The following FOXO3 variants were observed in gnomAD, a reference collection of about 807,000 sequenced individuals.
FOXO3 encodes forkhead box O3.
Under a neutral mutation model 41.9 loss-of-function variants are expected in FOXO3, and 4 were observed. The observed-to-expected ratio is 0.10, with a 90% confidence interval of 0.05 to 0.22. The LOEUF is 0.22. Among genes scored for constraint, FOXO3 ranks in the 10% least tolerant of loss-of-function variants. The probability of loss-of-function intolerance (pLI) is 1.00; values close to 1 mark genes in which losing one functional copy is unlikely to be tolerated. For synonymous variants in FOXO3, 318 were observed against 389.3 expected, an observed-to-expected ratio of 0.82 and a Z score of 2.16; for missense variants, 534 against 906.8, an observed-to-expected ratio of 0.59 and a Z score of 5.28.
chr6:108,604,029 G>GC (rs1777124275), intron 1 of FOXO3, among the ~76,000 whole-genome samples: 1 of 152,108 alleles, frequency 6.6e-6, no homozygotes, highest in Admixed American at 6.5e-5. Context: ...ATATGGTATT[G>GC]AGGATGATCA....
intron 1 of FOXO3, chr6:108,639,507 G>A (rs1301773677): frequency 1.0e-6 from 1 of 982,574 alleles, no homozygotes; most frequent in Admixed American, 6.2e-5. Context: ...CATTCCCTGG[G>A]ATGAAAAACC....
chr6:108,646,417 A>G (rs1199717155), intron 1 of FOXO3, among the ~76,000 whole-genome samples: 1 of 152,196 alleles, frequency 6.6e-6, no homozygotes, highest in East Asian at 1.9e-4. Context: ...ATAGTGATAA[A>G]CAGTCCTTCA....
chr6:108,618,652 T>G (rs1230361630), intron 1 of FOXO3, among the ~76,000 whole-genome samples: 1 of 152,220 alleles, frequency 6.6e-6, no homozygotes, highest in African/African-American at 2.4e-5. Flanking sequence ...ATTATTTTTG[T>G]TTTTGTTGCT....
At position 108,664,767 on chromosome 6, in the gene FOXO3, T is replaced by G. The variant is rs778174569; in HGVS notation, c.1934T>G (p.Leu645Arg). 2.1e-6 allele frequency: 3 copies of G among 1,445,944 alleles called. No homozygotes were observed. Among genetic ancestry groups the G allele is most frequent in the Non-Finnish European group, 1.9e-6 (2 of 1,046,334 alleles). 89.6% of individuals were successfully genotyped at this position (1,445,944 alleles called of 1,614,324 possible). The change falls in exon 2 of 3, where the codon CTC (leucine) becomes CGC (arginine). Residue 645 changes from leucine (L) to arginine (R), a missense_variant. Transcript: ENST00000406360. The stretch of plus-strand genomic sequence containing the variant: ...GGGTTGGATTTTAACTTTGATTCCC[T>G]CATCTCCACACAGAATGTTGTTGGT... ...ADGLDFNFDS[L>R]ISTQNVVGLN... is the part of the protein sequence containing the mutation.
intron 1 of FOXO3, among the ~76,000 whole-genome samples, chr6:108,642,431 G>T (rs534590696): frequency 6.6e-6 from 1 of 152,048 alleles, no homozygotes; most frequent in Non-Finnish European, 1.5e-5. Context: ...TTTTGGCAAG[G>T]GGGACTGCTG....
intron 1 of FOXO3, among the ~76,000 whole-genome samples, chr6:108,612,816 C>A (rs1225247003): frequency 1.3e-5 from 2 of 152,108 alleles, no homozygotes; most frequent in African/African-American, 2.4e-5. Context: ...AAGCAGAGAT[C>A]CTTACCATTT....
intron 1 of FOXO3, among the ~76,000 whole-genome samples, chr6:108,643,281 AC>A (rs957622776): frequency 1.3e-5 from 2 of 152,116 alleles, no homozygotes; most frequent in African/African-American, 4.8e-5. Context: ...GCCCAGTTTG[AC>A]CTTTTCAGAC....
intron 1 of FOXO3, among the ~76,000 whole-genome samples, chr6:108,661,098 C>G (rs773885993): frequency 6.6e-6 from 1 of 151,374 alleles, no homozygotes; most frequent in Non-Finnish European, 1.5e-5. Context: ...AAAAATTAGC[C>G]AGGTGTGGTG....
intron 1 of FOXO3, among the ~76,000 whole-genome samples, chr6:108,568,585 A>G (rs1234744485): frequency 6.6e-6 from 1 of 152,202 alleles, no homozygotes; most frequent in Non-Finnish European, 1.5e-5. Context: ...CAGACAAATA[A>G]GTGTTTCTAA....
chr6:108,600,119 C>T (rs1777003470), intron 1 of FOXO3, among the ~76,000 whole-genome samples: 1 of 152,150 alleles, frequency 6.6e-6, no homozygotes, highest in African/African-American at 2.4e-5. Flanking sequence ...GCTTCTGTGG[C>T]TGACCGCGAG....
intron 1 of FOXO3, among the ~76,000 whole-genome samples, chr6:108,640,835 A>G (rs1778237923): frequency 6.6e-6 from 1 of 152,182 alleles, no homozygotes; most frequent in African/African-American, 2.4e-5. Context: ...TTCAACAAAT[A>G]TATATTTTGC....
intron 1 of FOXO3, among the ~76,000 whole-genome samples, chr6:108,607,987 C>T (rs1197186099): frequency 6.6e-6 from 1 of 152,144 alleles, no homozygotes; most frequent in Non-Finnish European, 1.5e-5. Flanking sequence ...AGAGCAGTGG[C>T]ATTTGGGGAG....
chr6:108,636,269 T>C lies in FOXO3; in HGVS notation c.622-27186T>C, dbSNP rs149849629. Among the ~76,000 whole-genome samples, 161 of 152,320 alleles carry C rather than the reference T, an allele frequency of 1.1e-3. 1 individual carries two copies. Among genetic ancestry groups the C allele is most frequent in the African/African-American group, 3.6e-3 (151 of 41,574 alleles). ...TGTTGGGGGTGGTGAGCTTGTGCAGTATGCACACATCAAGTGTTAGTTTGA... is the reference window on the plus strand; with the variant it reads ...TGTTGGGGGTGGTGAGCTTGTGCAGCATGCACACATCAAGTGTTAGTTTGA... On this transcript the variant is annotated intron_variant, in intron 1 of 2. Coordinates refer to ENST00000406360, the MANE Select transcript of FOXO3 (RefSeq NM_001455.4).
At chr6:108,620,488 C>A (rs1240751322) in intron 1 of FOXO3, among the ~76,000 whole-genome samples, 1 of 152,116 alleles carries the variant, frequency 6.6e-6, no homozygotes, top group Admixed American at 6.5e-5. Flanking sequence ...GTATTTCTCC[C>A]ATATTACTTT....
intron 1 of FOXO3, among the ~76,000 whole-genome samples, chr6:108,628,951 G>A (rs1777885911): frequency 6.6e-6 from 1 of 152,064 alleles, no homozygotes. Flanking sequence ...GTGTCATGTA[G>A]CAACAGAGTT....
At chr6:108,590,251 G>A (rs1318805218) in intron 1 of FOXO3, among the ~76,000 whole-genome samples, 1 of 151,882 alleles carries the variant, frequency 6.6e-6, no homozygotes, top group African/African-American at 2.4e-5. Flanking sequence ...AGCCTCCTGA[G>A]TAGTTGGAAC....
intron 1 of FOXO3, among the ~76,000 whole-genome samples, chr6:108,640,310 G>A (rs987477463): frequency 1.3e-5 from 2 of 152,172 alleles, no homozygotes; most frequent in African/African-American, 2.4e-5. Context: ...CGTAATTGGG[G>A]CAACAGTACA....
At chr6:108,642,242 T>C (rs1935955) in intron 1 of FOXO3, among the ~76,000 whole-genome samples, 7,208 of 152,100 alleles carry the variant, frequency 0.047, 452 homozygotes, top group African/African-American at 0.14. Flanking sequence ...GCACGCATTA[T>C]CATGCTTGGC....
At chr6:108,657,251 G>A (rs776887421) in intron 1 of FOXO3, among the ~76,000 whole-genome samples, 3 of 152,208 alleles carry the variant, frequency 2.0e-5, no homozygotes, top group Non-Finnish European at 2.9e-5. Context: ...TTCGGCCCAC[G>A]TTGGGGACAA....
Sources: gnomAD v4.1 joint callset for allele counts (sites outside exome capture counted in the v4.1 genomes callset) on GRCh38, gnomAD v4.1.1 for gene constraint, MANE v1.5 for transcripts, NCBI Gene and HGNC (gene_info 2026-07-23, HGNC 2026-07-21) for gene names.